The following RPTOR variants were observed in gnomAD, a reference collection of about 807,000 sequenced individuals.
RPTOR encodes regulatory associated protein of MTOR complex 1, also known as regulatory-associated protein of mTOR.
Under a neutral mutation model 169.9 loss-of-function variants are expected in RPTOR, and 21 were observed. The observed-to-expected ratio is 0.12, with a 90% CI of 0.09 to 0.18. The LOEUF (loss-of-function observed/expected upper bound fraction) is 0.18. RPTOR is among the 10% of genes least tolerant of loss of function. RPTOR has a pLI of 1.00. For missense variants in RPTOR, 1,133 were observed against 1,855.9 expected, an observed-to-expected ratio of 0.61 and a Z score of 7.16; for synonymous variants, 732 against 753.2, an observed-to-expected ratio of 0.97 and a Z score of 0.46.
intron 2 of RPTOR, among the ~76,000 whole-genome samples, chr17:80,638,121 C>T (rs2065522466): frequency 6.6e-6 from 1 of 152,216 alleles, no homozygotes; most frequent in Non-Finnish European, 1.5e-5. Context: ...AATACGAGGT[C>T]AAGCTTGAAC....
chr17:80,551,671 G>T (rs2084347419), intron 1 of RPTOR, among the ~76,000 whole-genome samples: 1 of 152,016 alleles, frequency 6.6e-6, no homozygotes. Flanking sequence ...GCCCAGGGAC[G>T]GGCAGGAGAC....
chr17:80,907,434 G>A lies in RPTOR; in HGVS notation c.2402-1377G>A, dbSNP rs548340956. On this transcript the variant is annotated intron_variant, in intron 20 of 33. Transcript: ENST00000306801. ...GGCAGGGGAGGCAGCGCCTGGCCCC[G>A]CTCTGCCCTCCACGCTCAGCGCCTC... 1.5e-3 allele frequency among the ~76,000 whole-genome samples: 223 copies of A among 152,378 alleles called. 1 individual carries two copies. Among genetic ancestry groups the A allele is most frequent in the Non-Finnish European group, 2.7e-3 (183 of 68,036 alleles).
chr17:80,896,573 G>A (rs930533640), intron 20 of RPTOR, among the ~76,000 whole-genome samples: 3 of 148,690 alleles, frequency 2.0e-5, no homozygotes, highest in Non-Finnish European at 3.0e-5. Context: ...CAGCCGCGCC[G>A]ACACCCCACA....
At chr17:80,855,592 A>G (rs1375289133) in intron 12 of RPTOR, 45 bp downstream of exon 12, 4 of 1,371,132 alleles carry the variant, frequency 2.9e-6, no homozygotes, top group Non-Finnish European at 4.2e-6. Context: ...GAGGTGGGAC[A>G]GAGATTAGGC....
rs892603724 is a variant in RPTOR at position 80,845,830 on chromosome 17, C to T, written c.1213-643C>T. Among the ~76,000 whole-genome samples, 2 of 152,318 alleles carry T rather than the reference C, an allele frequency of 1.3e-5. No individual in the cohort carries two copies. Among genetic ancestry groups the T allele is most frequent in the Non-Finnish European group, 2.9e-5 (2 of 68,028 alleles). ...CTCCAGAGCGTTCTTGCTGCTGATC[C>T]GGGGCCCAGTCAGCTCTCCATCCTT... is the stretch of plus-strand genomic sequence containing the variant. On this transcript the variant is annotated intron_variant, in intron 10 of 33. Coordinates refer to ENST00000306801, the MANE Select transcript of RPTOR (RefSeq NM_020761.3). The surrounding 1 kb of genome is among the most constrained non-coding windows in gnomAD (Gnocchi z 5.4).
chr17:80,792,382 T>C (rs1032963241), intron 7 of RPTOR, among the ~76,000 whole-genome samples: 1 of 152,162 alleles, frequency 6.6e-6, no homozygotes, highest in Non-Finnish European at 1.5e-5. Flanking sequence ...TTGCCTTGTG[T>C]ATCAGGGGAA....
At chr17:80,737,447 G>C (rs12942288) in intron 5 of RPTOR, among the ~76,000 whole-genome samples, 26,597 of 152,150 alleles carry the variant, frequency 0.17, 2,791 homozygotes, top group East Asian at 0.24. Flanking sequence ...CCGGCAGGGG[G>C]GCGGTGGTGG....
chr17:80,553,999 C>T (rs1157573404), intron 1 of RPTOR, among the ~76,000 whole-genome samples: 1 of 152,094 alleles, frequency 6.6e-6, no homozygotes, highest in East Asian at 1.9e-4. Context: ...GCCTTGGCCT[C>T]CTAAAGTGCT....
chr17:80,869,687 G>A (rs1001589036), intron 13 of RPTOR, among the ~76,000 whole-genome samples: 2 of 152,192 alleles, frequency 1.3e-5, no homozygotes, highest in Non-Finnish European at 2.9e-5. Context: ...GGAGGACTGT[G>A]TCGCTGTCAC....
At chr17:80,564,532 T>C (rs1248154418) in intron 1 of RPTOR, among the ~76,000 whole-genome samples, 1 of 152,082 alleles carries the variant, frequency 6.6e-6, no homozygotes, top group African/African-American at 2.4e-5. Flanking sequence ...AGGTTTGTTA[T>C]ATAGGTGAAC....
intron 13 of RPTOR, among the ~76,000 whole-genome samples, chr17:80,869,583 G>A (rs973194989): frequency 1.3e-5 from 2 of 152,186 alleles, no homozygotes; most frequent in Non-Finnish European, 2.9e-5. Context: ...GGCTCACAGA[G>A]GACAGTTGTG....
chr17:80,892,797 G>A lies in RPTOR; in HGVS notation c.2170G>A (p.Gly724Arg). 2 of 1,614,216 alleles carry A rather than the reference G, an allele frequency of 1.2e-6. No individual in the cohort carries two copies. The highest frequency in any genetic ancestry group is 1.7e-6 in the Non-Finnish European group (2 of 1,180,030). Reference protein sequence around the residue: ...TPRLRSVSSYGNIRAVATARS... With the variant: ...TPRLRSVSSYRNIRAVATARS... ...CAGACTTCGTTCTGTGAGCTCCTATGGAAACATCCGTGCTGTCGCCACAGC... is the reference window on the plus strand; with the variant it reads ...CAGACTTCGTTCTGTGAGCTCCTATAGAAACATCCGTGCTGTCGCCACAGC... The change falls in exon 19 of 34, where the codon GGA becomes AGA. Residue 724 changes from glycine (G) to arginine (R), a missense_variant. Gly to Arg is a moderately radical substitution (Grantham distance 125). Around this residue, in one of 9 missense-constraint regions of RPTOR, gnomAD observed 150 missense variants for 206.4 expected, o/e 0.73. Transcript: ENST00000306801.
intron 24 of RPTOR, among the ~76,000 whole-genome samples, chr17:80,939,071 C>T (rs1271883176): frequency 6.6e-6 from 1 of 152,084 alleles, no homozygotes; most frequent in Non-Finnish European, 1.5e-5. Context: ...TTTCCTTTGT[C>T]GAGACAGAGT....
At position 80,575,724 on chromosome 17, in the gene RPTOR, C is replaced by T. The variant is rs117658995; in HGVS notation, c.162+29933C>T. Among the ~76,000 whole-genome samples the T allele has an allele frequency of 4.2e-3, 636 of 152,308 alleles. 4 individuals are homozygous for T. Among genetic ancestry groups the T allele is most frequent in the Non-Finnish European group, 7.6e-3 (514 of 68,030 alleles). ...CACCTTTTATACGTGTCCATTAAGTCAAATATTTTATTTGTGGTGTACAAA... is the reference window on the plus strand; with the variant it reads ...CACCTTTTATACGTGTCCATTAAGTTAAATATTTTATTTGTGGTGTACAAA... On this transcript the variant is annotated intron_variant, in intron 1 of 33. Transcript: ENST00000306801.
rs1339023749 is a variant in RPTOR at position 80,695,283 on chromosome 17, A to C, written c.349-12558A>C. 2.0e-5 allele frequency among the ~76,000 whole-genome samples: 3 copies of C among 152,118 alleles called. No individual in the cohort carries two copies. The highest frequency in any genetic ancestry group is 4.8e-5 in the African/African-American group (2 of 41,418). The stretch of plus-strand genomic sequence containing the variant: ...CCGAGCATTTCCACACGAGACTTTC[A>C]CATCAGCCACCCGGGCAGGGCCCGC... On this transcript the variant is annotated intron_variant, in intron 3 of 33. Transcript: ENST00000306801. This position sits in a 1 kb window ranked among gnomAD's most constrained non-coding sequence, Gnocchi z 4.9.
chr17:80,855,302 A>G (rs1381732177), intron 11 of RPTOR, among the ~76,000 whole-genome samples, 162 bp from the exon 12 acceptor site: 1 of 152,282 alleles, frequency 6.6e-6, no homozygotes, highest in Non-Finnish European at 1.5e-5. Context: ...GTCTAAAAGC[A>G]TGAACTTGTA....
At position 80,957,813 on chromosome 17, in the gene RPTOR, T is replaced by C; in HGVS notation, c.3477+83T>C. 1.5e-6 allele frequency: 2 copies of C among 1,307,302 alleles called. No individual in the cohort carries two copies. The highest frequency in any genetic ancestry group is 2.2e-6 in the Non-Finnish European group (2 of 909,344). The allele number at this position is 1,307,302 out of a possible 1,614,324, so 81.0% of individuals were successfully genotyped here. ...GTCCTCGTCACAGAACCCAGCAAAG[T>C]GTGCGGTGAGGCCTGGCCATCCCAG... On this transcript the variant is annotated intron_variant, in intron 29 of 33. Transcript: ENST00000306801. This position sits in a 1 kb window ranked among gnomAD's most constrained non-coding sequence, Gnocchi z 4.6.
At chr17:80,909,269 T>TG (rs936639724) in intron 21 of RPTOR, among the ~76,000 whole-genome samples, 14 of 152,188 alleles carry the variant, frequency 9.2e-5, no homozygotes, top group Admixed American at 7.8e-4. Context: ...TTATAAGAGA[T>TG]GGGGTCTCCC....
chr17:80,845,227 T>TG lies in RPTOR; in HGVS notation c.1213-1244dup, dbSNP rs2067715124. On this transcript the variant is annotated intron_variant, in intron 10 of 33. Coordinates refer to ENST00000306801, the MANE Select transcript of RPTOR (RefSeq NM_020761.3). The surrounding 1 kb of genome is among the most constrained non-coding windows in gnomAD (Gnocchi z 5.4). ...CCTCCACTCTGTGCCTGCACTCACG[T>TG]GGCTGGGCTAACTGGGAGCTCGGGC... Among the ~76,000 whole-genome samples the TG allele has an allele frequency of 6.6e-6, 1 of 152,120 alleles. No homozygotes were observed. Among genetic ancestry groups the TG allele is most frequent in the South Asian group, 2.1e-4 (1 of 4,832 alleles).
Sources: gnomAD v4.1 joint callset for allele counts (sites outside exome capture counted in the v4.1 genomes callset) on GRCh38, gnomAD v4.1.1 for gene constraint, gnomAD v4.1.1 regional missense constraint, Gnocchi (gnomAD v3.1) non-coding constraint, MANE v1.5 for transcripts, NCBI Gene and HGNC (gene_info 2026-07-23, HGNC 2026-07-21) for gene names.